The following MIGA1 variants were observed in gnomAD, a reference collection of about 807,000 sequenced individuals.
MIGA1 encodes the protein family with sequence similarity 73, member A.
MIGA1 carries 58 observed loss-of-function variants against 82.0 expected under a neutral mutation model. That is an observed-to-expected ratio of 0.71 (90% confidence interval 0.57 to 0.88). The LOEUF (loss-of-function observed/expected upper bound fraction) is 0.88, where lower values mean the gene tolerates loss of function less well. Among genes scored for constraint, MIGA1 ranks in the 40% least tolerant of loss-of-function variants. The probability of loss-of-function intolerance (pLI) is 0.00; values close to 1 mark genes in which losing one functional copy is unlikely to be tolerated. For missense variants in MIGA1, 751 were observed against 749.1 expected, an observed-to-expected ratio of 1.00 and a Z score of -0.03; for synonymous variants, 249 against 253.6, an observed-to-expected ratio of 0.98 and a Z score of 0.17.
At chr1:77,853,778 A>G in intron 8 of MIGA1, 2 of 291,874 alleles carry the variant, frequency 6.9e-6, no homozygotes, top group Non-Finnish European at 1.3e-5. Flanking sequence ...AGCAACAGTA[A>G]TAGCTGTTGC....
intron 2 of MIGA1, among the ~76,000 whole-genome samples, chr1:77,789,283 A>G (rs191620826): frequency 8.6e-4 from 124 of 143,852 alleles, no homozygotes; most frequent in Admixed American, 6.8e-3. Context: ...GTCATGGCTC[A>G]CTGCAGCTGA....
intron 8 of MIGA1, among the ~76,000 whole-genome samples, chr1:77,852,129 C>T (rs547499972): frequency 5.3e-5 from 8 of 152,190 alleles, no homozygotes; most frequent in South Asian, 2.1e-4. Flanking sequence ...AAGTGATCTG[C>T]GCACGTCAAC....
At chr1:77,784,725 A>G (rs575786789) in intron 2 of MIGA1, among the ~76,000 whole-genome samples, 3 of 152,288 alleles carry the variant, frequency 2.0e-5, no homozygotes, top group East Asian at 3.9e-4. Context: ...CATGCTGCTG[A>G]TAAAGATATA....
chr1:77,847,257 T>G, intron 8 of MIGA1: 1 of 1,018,376 alleles, frequency 9.8e-7, no homozygotes. Flanking sequence ...GGGAAGCTGC[T>G]AAGAAGCAGG....
intron 1 of MIGA1, among the ~76,000 whole-genome samples, chr1:77,782,439 C>T (rs1026198619): frequency 1.3e-5 from 2 of 151,982 alleles, no homozygotes; most frequent in African/African-American, 4.8e-5. Context: ...TACACTAGAT[C>T]GTTTATTTCT....
At position 77,869,744 on chromosome 1, in the gene MIGA1, C is replaced by CG. The variant is rs1416197081; in HGVS notation, c.1564-3260_1564-3259insG. ...CGGACAGGGCGGCTGGCCGACCCCCCCCCCGCCTGCCTCCCGGACGGGGCG... is the reference window on the plus strand; with the variant it reads ...CGGACAGGGCGGCTGGCCGACCCCCCGCCCCGCCTGCCTCCCGGACGGGGCG... On this transcript the variant is annotated intron_variant, in intron 14 of 15. Transcript: ENST00000370791. Among the ~76,000 whole-genome samples, 415 of 113,184 alleles carry CG rather than the reference C, an allele frequency of 3.7e-3. 43 individuals carry two copies. The highest frequency in any genetic ancestry group is 0.016 in the African/African-American group (394 of 25,370). The allele number at this position is 113,184 out of a possible 152,430, so 74.3% of individuals were successfully genotyped here. A position where few individuals can be genotyped will look rare whatever the true frequency, so the allele number is the denominator to read the frequency against.
In MIGA1 at chr1:77,877,963, T is replaced by C. The variant is rs1646906827; in HGVS notation, c.*2899T>C. The C allele has an allele frequency of 6.6e-6, 1 of 152,296 alleles. No homozygotes were observed. The highest frequency in any genetic ancestry group is 1.5e-5 in the Non-Finnish European group (1 of 68,022). 9.4% of individuals were successfully genotyped at this position (152,296 alleles called of 1,614,324 possible). Reference sequence around the variant, plus strand: ...AAGATGTGGCCTTTCACAAAAGAGGTAAGAGTGACCAAATAGAATTTTAGG... The same window carrying C: ...AAGATGTGGCCTTTCACAAAAGAGGCAAGAGTGACCAAATAGAATTTTAGG... On this transcript the variant is annotated 3_prime_UTR_variant, in exon 16 of 16. Coordinates refer to ENST00000370791, the MANE Select transcript of MIGA1 (RefSeq NM_198549.4).
In MIGA1 at chr1:77,843,375, G is replaced by T. The variant is rs1424097133; in HGVS notation, c.964G>T (p.Ala322Ser). The change falls in exon 8 of 16, where the codon GCA becomes TCA. Residue 322 changes from alanine to serine, a missense_variant. By Grantham distance (99) the Ala-to-Ser change is moderately conservative (BLOSUM62 1). This residue lies in a region of MIGA1 where 482 missense variants were observed against 439.4 expected (regional missense o/e 1.10). Transcript: ENST00000370791. Reference sequence around the variant, plus strand: ...TGGCCTGCGAGACACCTTGAGCATCGCATCCACGGATTCCTTTGCTTCCGC... The same window carrying T: ...TGGCCTGCGAGACACCTTGAGCATCTCATCCACGGATTCCTTTGCTTCCGC... 3 of 1,613,650 alleles carry T rather than the reference G, an allele frequency of 1.9e-6. No individual in the cohort carries two copies. Among genetic ancestry groups the T allele is most frequent in the Non-Finnish European group, 2.5e-6 (3 of 1,179,730 alleles).
intron 7 of MIGA1, among the ~76,000 whole-genome samples, chr1:77,823,649 C>T (rs1249499525): frequency 1.3e-5 from 2 of 152,168 alleles, no homozygotes; most frequent in African/African-American, 4.8e-5. Context: ...ACTGCAGGCT[C>T]AAACTCCTGG....
Position 77,820,662 on chromosome 1 carries a change from A to G in MIGA1, c.895+5431A>G, listed in dbSNP as rs114372994. Among the ~76,000 whole-genome samples, 1,307 of 152,074 alleles carry G rather than the reference A, an allele frequency of 8.6e-3. 4 individuals carry two copies. The highest frequency in any genetic ancestry group is 0.017 in the Middle Eastern group (5 of 294). ...TACCTTTCTGATCCTGTATTTGCCAATTTCAAGACGTTCTTTAAAATTTCT... is the reference window on the plus strand; with the variant it reads ...TACCTTTCTGATCCTGTATTTGCCAGTTTCAAGACGTTCTTTAAAATTTCT... On this transcript the variant is annotated intron_variant, in intron 7 of 15. Coordinates refer to ENST00000370791, the MANE Select transcript of MIGA1 (RefSeq NM_198549.4).
intron 8 of MIGA1, among the ~76,000 whole-genome samples, chr1:77,855,476 T>G (rs1270440739): frequency 1.3e-5 from 2 of 152,162 alleles, no homozygotes; most frequent in Non-Finnish European, 2.9e-5. Flanking sequence ...GTAGATTGCT[T>G]TTGGCAGTAT....
chr1:77,784,146 T>G (rs1254042174), intron 2 of MIGA1, among the ~76,000 whole-genome samples: 3 of 152,240 alleles, frequency 2.0e-5, no homozygotes, highest in Non-Finnish European at 4.4e-5. Context: ...CTCTTTGAGA[T>G]CCTGCTTTTA....
At chr1:77,843,834 T>A (rs1177210347) in intron 8 of MIGA1, among the ~76,000 whole-genome samples, 1 of 151,972 alleles carries the variant, frequency 6.6e-6, no homozygotes, top group Non-Finnish European at 1.5e-5. Flanking sequence ...TGCAGTGGCT[T>A]ACAACTGTAT....
rs1646902610 is a variant in MIGA1, at chr1:77,877,466, A to G, written c.*2402A>G. On this transcript the variant is annotated 3_prime_UTR_variant, in exon 16 of 16. Coordinates refer to ENST00000370791, the MANE Select transcript of MIGA1 (RefSeq NM_198549.4). Reference sequence around the variant, plus strand: ...GACGGGAATATGATTAGAAGTACCAAAACTAAAAATTCCATTATGTACTGT... The same window carrying G: ...GACGGGAATATGATTAGAAGTACCAGAACTAAAAATTCCATTATGTACTGT... The G allele has an allele frequency of 2.0e-5, 3 of 152,190 alleles. No individual in the cohort carries two copies. The highest frequency in any genetic ancestry group is 1.3e-4 in the Admixed American group (2 of 15,278). 9.4% of individuals were successfully genotyped at this position (152,190 alleles called of 1,614,324 possible). A position where few individuals can be genotyped will look rare whatever the true frequency, so the allele number is the denominator to read the frequency against.
intron 15 of MIGA1, among the ~76,000 whole-genome samples, chr1:77,874,214 T>A (rs150077549): frequency 1.1e-3 from 173 of 152,306 alleles, no homozygotes; most frequent in African/African-American, 4.0e-3. Context: ...TTAATACTTA[T>A]TCGTATACAG....
chr1:77,831,218 G>A (rs1302129577), intron 7 of MIGA1, among the ~76,000 whole-genome samples: 2 of 152,150 alleles, frequency 1.3e-5, no homozygotes, highest in African/African-American at 4.8e-5. Flanking sequence ...TTTTGCTGCA[G>A]TATCTGAATA....
At position 77,860,044 on chromosome 1, in the gene MIGA1, TTCTTTCAGAA is replaced by T. The variant is rs1356963619; in HGVS notation, c.1196_1205del (p.Leu399GlnfsTer18). On this transcript the variant is annotated frameshift_variant, in exon 11 of 16. Transcript: ENST00000370791. LOFTEE classifies it high-confidence loss of function. ...TGGGGATGAATATTTTTTCAGGTAA[TTCTTTCAGAA>T]TCAGCTAACAGGATATTCCTCGCTG... The T allele has an allele frequency of 1.2e-6, 2 of 1,604,154 alleles. No homozygotes were observed. The highest frequency in any genetic ancestry group is 1.7e-6 in the Non-Finnish European group (2 of 1,174,428).
At chr1:77,780,260 G>GCAAAA (rs1681847468) in intron 1 of MIGA1, 1 of 718,748 alleles carries the variant, frequency 1.4e-6, no homozygotes, top group South Asian at 6.2e-5. Context: ...AGTGGCTTTT[G>GCAAAA]GATGTGAAAG....
At chr1:77,781,976 A>C (rs1235566606) in intron 1 of MIGA1, among the ~76,000 whole-genome samples, 1 of 152,158 alleles carries the variant, frequency 6.6e-6, no homozygotes, top group East Asian at 1.9e-4. Flanking sequence ...GGCCTAAAAA[A>C]GTGTAGCAAA....
Sources: gnomAD v4.1 joint callset for allele counts (sites outside exome capture counted in the v4.1 genomes callset) on GRCh38, gnomAD v4.1.1 for gene constraint, gnomAD v4.1.1 regional missense constraint, MANE v1.5 for transcripts, NCBI Gene and HGNC (gene_info 2026-07-23, HGNC 2026-07-21) for gene names.